FGF12: variants seen among roughly 807,000 people sequenced by gnomAD.
The protein encoded by FGF12 is fibroblast growth factor 12B.
FGF12 carries 14 observed loss-of-function variants against 23.6 expected under a neutral mutation model. That is an observed-to-expected ratio of 0.59 (90% CI 0.39 to 0.93). The LOEUF (loss-of-function observed/expected upper bound fraction) is 0.93. Ranked by LOEUF, FGF12 falls within the 40% of genes least tolerant of loss-of-function variation. The pLI is 0.00. For missense variants in FGF12, 175 were observed against 217.8 expected, an observed-to-expected ratio of 0.80 and a Z score of 1.24; for synonymous variants, 62 against 77.3, an observed-to-expected ratio of 0.80 and a Z score of 1.04.
chr3:192,353,980 A>T lies in FGF12; in HGVS notation c.124+6448T>A, dbSNP rs548992742. Among the ~76,000 whole-genome samples, 4 of 152,318 alleles carry T rather than the reference A, an allele frequency of 2.6e-5. No homozygotes were observed. In the East Asian group the frequency reaches 5.8e-4, roughly 22 times the overall value. Reference sequence around the variant, plus strand: ...TAATTTTCCTCAGCTAACCATTTGGATCATACTTCTGTTCATAGTTTAGCA... The same window carrying T: ...TAATTTTCCTCAGCTAACCATTTGGTTCATACTTCTGTTCATAGTTTAGCA... On this transcript the variant is annotated intron_variant, in intron 3 of 5. Coordinates refer to ENST00000445105, the MANE Select transcript of FGF12 (RefSeq NM_004113.6).
chr3:192,215,710 C>T (rs1718161113), intron 4 of FGF12, among the ~76,000 whole-genome samples: 2 of 152,226 alleles, frequency 1.3e-5, no homozygotes, highest in South Asian at 4.1e-4. Flanking sequence ...ACTGCTCTCT[C>T]TTATTTCCTC....
At chr3:192,705,117 C>T (rs911016431) in intron 2 of FGF12, among the ~76,000 whole-genome samples, 3 of 152,226 alleles carry the variant, frequency 2.0e-5, no homozygotes, top group African/African-American at 7.2e-5. Flanking sequence ...TGGAGTAGCA[C>T]TTTCAATTTC....
intron 2 of FGF12, among the ~76,000 whole-genome samples, chr3:192,539,870 A>G (rs1299972829): frequency 1.3e-5 from 2 of 151,170 alleles, no homozygotes; most frequent in Non-Finnish European, 3.0e-5. Flanking sequence ...TCATGTTTCA[A>G]TCTTGGTGGG....
intron 4 of FGF12, among the ~76,000 whole-genome samples, chr3:192,175,387 A>AACTT (rs139594332): frequency 0.043 from 6,526 of 152,028 alleles, 192 homozygotes; most frequent in Admixed American, 0.057. Flanking sequence ...CATCAGAGAA[A>AACTT]ACTTATAGAA....
intron 2 of FGF12, among the ~76,000 whole-genome samples, chr3:192,677,998 G>T (rs1438537786): frequency 6.6e-6 from 1 of 152,180 alleles, no homozygotes; most frequent in African/African-American, 2.4e-5. Flanking sequence ...GCTTTCTAAA[G>T]CTACTCTATC....
At chr3:192,436,701 A>G (rs964543278) in intron 2 of FGF12, among the ~76,000 whole-genome samples, 1 of 152,210 alleles carries the variant, frequency 6.6e-6, no homozygotes, top group Non-Finnish European at 1.5e-5. Context: ...AAGATTATAC[A>G]TGTTTCTGAG....
At chr3:192,491,511 A>T (rs1723802732) in intron 2 of FGF12, among the ~76,000 whole-genome samples, 1 of 152,146 alleles carries the variant, frequency 6.6e-6, no homozygotes, top group Admixed American at 6.6e-5. Flanking sequence ...TGATGAACTT[A>T]TTTACAAGCC....
At chr3:192,536,235 C>T (rs1427504325) in intron 2 of FGF12, among the ~76,000 whole-genome samples, 2 of 152,030 alleles carry the variant, frequency 1.3e-5, no homozygotes, top group Admixed American at 6.6e-5. Flanking sequence ...CAACCTGAGT[C>T]GAGTGATTGT....
intron 2 of FGF12, among the ~76,000 whole-genome samples, chr3:192,604,820 T>G (rs147082062): frequency 6.1e-4 from 93 of 152,264 alleles, no homozygotes; most frequent in African/African-American, 2.1e-3. Context: ...TATAAGGCTA[T>G]AGTAACTAAA....
At chr3:192,659,762 AACAGTGT>A in intron 2 of FGF12, among the ~76,000 whole-genome samples, 1 of 152,260 alleles carries the variant, frequency 6.6e-6, no homozygotes, top group South Asian at 2.1e-4. Context: ...CAGTCCCACC[AACAGTGT>A]AAAAGTGTTC....
rs144422437 is a variant in FGF12 at position 192,392,591 on chromosome 3, C to T, written c.14-32053G>A. Among the ~76,000 whole-genome samples, 346 of 41,858 alleles carry T rather than the reference C, an allele frequency of 8.3e-3. 1 individual carries two copies. The highest frequency in any genetic ancestry group is 0.018 in the South Asian group (11 of 606). The allele number at this position is 41,858 out of a possible 152,430, so 27.5% of individuals were successfully genotyped here. A position where few individuals can be genotyped will look rare whatever the true frequency, so the allele number is the denominator to read the frequency against. On this transcript the variant is annotated intron_variant, in intron 2 of 5. Coordinates refer to ENST00000445105, the MANE Select transcript of FGF12 (RefSeq NM_004113.6). The stretch of plus-strand genomic sequence containing the variant: ...AGCCTGGGCAACAAAAGTGAAACTC[C>T]GAGAGAGAGAGAGAGAGAGAGAGAG...
At chr3:192,618,189 A>G (rs948657571) in intron 2 of FGF12, among the ~76,000 whole-genome samples, 4 of 151,966 alleles carry the variant, frequency 2.6e-5, no homozygotes, top group African/African-American at 9.7e-5. Flanking sequence ...TGATTTTATA[A>G]TGGAATCACT....
At chr3:192,307,606 T>C (rs1715717861) in intron 4 of FGF12, among the ~76,000 whole-genome samples, 1 of 152,100 alleles carries the variant, frequency 6.6e-6, no homozygotes, top group Non-Finnish European at 1.5e-5. Flanking sequence ...CAAACAACAA[T>C]AATAACAGTT....
At chr3:192,350,511 T>A (rs1266081320) in intron 3 of FGF12, among the ~76,000 whole-genome samples, 2 of 152,168 alleles carry the variant, frequency 1.3e-5, no homozygotes, top group African/African-American at 2.4e-5. Flanking sequence ...GAGATGTATA[T>A]AGATTAACTA....
intron 2 of FGF12, among the ~76,000 whole-genome samples, chr3:192,525,062 C>G (rs1724909599): frequency 3.9e-5 from 6 of 152,124 alleles, no homozygotes. Flanking sequence ...TTCTACTTCT[C>G]TATTAACATC....
intron 2 of FGF12, among the ~76,000 whole-genome samples, chr3:192,529,887 A>G (rs1725044822): frequency 6.6e-6 from 1 of 152,172 alleles, no homozygotes; most frequent in South Asian, 2.1e-4. Flanking sequence ...GGAATTCAAG[A>G]TGAGATTTGG....
At chr3:192,603,158 A>C (rs1714187303) in intron 2 of FGF12, among the ~76,000 whole-genome samples, 2 of 152,176 alleles carry the variant, frequency 1.3e-5, no homozygotes, top group South Asian at 4.1e-4. Context: ...ACTCCTATTC[A>C]ATATAGTGCT....
At chr3:192,678,967 G>A (rs969035230) in intron 2 of FGF12, among the ~76,000 whole-genome samples, 3 of 152,126 alleles carry the variant, frequency 2.0e-5, no homozygotes, top group Admixed American at 1.3e-4. Flanking sequence ...GGGGTTATGC[G>A]GGTGAGGCCC....
At chr3:192,349,636 G>A (rs1718117650) in intron 3 of FGF12, among the ~76,000 whole-genome samples, 1 of 151,908 alleles carries the variant, frequency 6.6e-6, no homozygotes, top group Non-Finnish European at 1.5e-5. Context: ...ATGTAACACT[G>A]CGAAAGTGTC....
Sources: allele counts gnomAD v4.1 joint callset (sites outside exome capture counted in the v4.1 genomes callset), GRCh38; gene constraint gnomAD v4.1.1; transcripts MANE v1.5; gene names NCBI Gene and HGNC (gene_info 2026-07-23, HGNC 2026-07-21).